The following KATNAL2 variants were observed in gnomAD, a reference collection of about 807,000 sequenced individuals.
KATNAL2 encodes the protein katanin p60 ATPase-containing subunit A-like 2.
Under a neutral mutation model 76.3 loss-of-function variants are expected in KATNAL2, and 52 were observed. That is an observed-to-expected ratio of 0.68 (90% CI 0.55 to 0.86). KATNAL2 has a LOEUF of 0.86. Among genes scored for constraint, KATNAL2 ranks in the 40% least tolerant of loss-of-function variants. The pLI is 0.00. For synonymous variants in KATNAL2, 243 were observed against 244.2 expected (o/e 1.00, Z 0.05); for missense variants, 660 against 668.9 (o/e 0.99, Z 0.15).
At chr18:46,920,294 GAC>G in intron 1 of KATNAL2, 1 of 348,248 alleles carries the variant, frequency 2.9e-6, no homozygotes, top group South Asian at 2.3e-5. Context: ...ATCAAGTGTG[GAC>G]CCGTGCCCTA....
At position 47,100,875 on chromosome 18, in the gene KATNAL2, ACT is replaced by A. The variant is rs1313849751; in HGVS notation, c.1488_1489del (p.Leu497ThrfsTer48). On this transcript the variant is annotated frameshift_variant, in exon 18 of 18. Coordinates refer to ENST00000683218, the MANE Select transcript of KATNAL2 (RefSeq NM_001387690.1). LOFTEE classifies it high-confidence loss of function. ...TGTGTTCTTATCCTAGAAAGCAGCGACTTACCCAGGATCCAGTTGGATATAGT... is the reference window on the plus strand; with the variant it reads ...TGTGTTCTTATCCTAGAAAGCAGCGATACCCAGGATCCAGTTGGATATAGT... 2 of 1,614,064 alleles carry A rather than the reference ACT, an allele frequency of 1.2e-6. No homozygotes were observed. Among genetic ancestry groups the A allele is most frequent in the African/African-American group, 2.7e-5 (2 of 74,932 alleles).
At chr18:47,043,204 G>A (rs1347686556) in intron 3 of KATNAL2, among the ~76,000 whole-genome samples, 6 of 96,684 alleles carry the variant, frequency 6.2e-5, no homozygotes, top group African/African-American at 1.6e-4. Flanking sequence ...TCCAGCCCCG[G>A]CGACAGAGCG....
At chr18:47,041,327 C>G (rs2060956211) in intron 3 of KATNAL2, among the ~76,000 whole-genome samples, 1 of 152,172 alleles carries the variant, frequency 6.6e-6, no homozygotes, top group South Asian at 2.1e-4. Flanking sequence ...AATGGTTTCG[C>G]TGCCCTAGAA....
intron 13 of KATNAL2, among the ~76,000 whole-genome samples, chr18:47,070,097 C>CTTT (rs34614350): frequency 0.015 from 1,962 of 134,898 alleles, 58 homozygotes; most frequent in African/African-American, 0.049. Flanking sequence ...TTTTTGCTTT[C>CTTT]TTTTTTTTTT....
At chr18:46,929,190 T>A (rs2058828909) in intron 1 of KATNAL2, among the ~76,000 whole-genome samples, 2 of 151,812 alleles carry the variant, frequency 1.3e-5, no homozygotes, top group Non-Finnish European at 2.9e-5. Flanking sequence ...CTTGGCTTTT[T>A]AAATTCAGCA....
chr18:46,957,903 G>A (rs928425778), intron 3 of KATNAL2, among the ~76,000 whole-genome samples: 44 of 150,918 alleles, frequency 2.9e-4, no homozygotes, highest in East Asian at 9.9e-4. Flanking sequence ...TCACCATATT[G>A]GCCAGGATGG....
intron 3 of KATNAL2, among the ~76,000 whole-genome samples, chr18:46,954,034 G>A (rs1045447005): frequency 2.0e-5 from 3 of 152,124 alleles, no homozygotes; most frequent in African/African-American, 7.2e-5. Flanking sequence ...GCAGGGAATG[G>A]AAGGTGGGGT....
At chr18:46,961,420 C>T (rs1052710394) in intron 3 of KATNAL2, among the ~76,000 whole-genome samples, 10 of 152,114 alleles carry the variant, frequency 6.6e-5, no homozygotes, top group South Asian at 2.1e-4. Context: ...AGAGTGACAG[C>T]GATTCATGTA....
At chr18:47,069,390 C>A in intron 12 of KATNAL2, 92 bp from the exon 13 acceptor site, 1 of 1,355,912 alleles carries the variant, frequency 7.4e-7, no homozygotes, top group Non-Finnish European at 1.0e-6. Context: ...GCTGAGCAGT[C>A]ACTTCCTTCC....
chr18:46,957,179 G>T (rs2059776797), intron 3 of KATNAL2, among the ~76,000 whole-genome samples: 1 of 151,056 alleles, frequency 6.6e-6, no homozygotes, highest in African/African-American at 2.4e-5. Context: ...ATCCTTGACT[G>T]TCTGTGAAGG....
At chr18:46,940,052 T>G (rs2059202985) in intron 1 of KATNAL2, among the ~76,000 whole-genome samples, 1 of 152,180 alleles carries the variant, frequency 6.6e-6, no homozygotes, top group African/African-American at 2.4e-5. Flanking sequence ...CCTACCACAT[T>G]ATGAGAGATT....
At chr18:46,932,358 T>C (rs1160973086) in intron 1 of KATNAL2, among the ~76,000 whole-genome samples, 1 of 152,016 alleles carries the variant, frequency 6.6e-6, no homozygotes, top group Non-Finnish European at 1.5e-5. Context: ...AGAAGAAATG[T>C]ACACAAACTA....
chr18:47,046,555 G>C (rs1206779767), intron 4 of KATNAL2, 28 bp downstream of exon 4: 4 of 1,411,748 alleles, frequency 2.8e-6, no homozygotes, highest in Non-Finnish European at 3.9e-6. Flanking sequence ...CATTTATAGA[G>C]ATGATTCCTC....
chr18:47,099,551 C>T (rs72905424), intron 16 of KATNAL2, 146 bp downstream of exon 16: 9,599 of 688,156 alleles, frequency 0.014, 89 homozygotes, highest in Non-Finnish European at 0.018. Flanking sequence ...GGCATCTTCA[C>T]GAAGAATAAG....
chr18:47,031,479 A>T (rs73954213), intron 3 of KATNAL2, among the ~76,000 whole-genome samples: 3,063 of 152,138 alleles, frequency 0.02, 83 homozygotes, highest in African/African-American at 0.069. Flanking sequence ...AAAGAAAATC[A>T]TTATGCCCTG....
chr18:46,938,154 A>G (rs1173372189), intron 1 of KATNAL2, among the ~76,000 whole-genome samples: 3 of 152,196 alleles, frequency 2.0e-5, no homozygotes, highest in African/African-American at 4.8e-5. Context: ...AGAGCTACAT[A>G]TAAAAACATG....
At chr18:46,961,457 A>G (rs562876539) in intron 3 of KATNAL2, among the ~76,000 whole-genome samples, 2 of 152,240 alleles carry the variant, frequency 1.3e-5, no homozygotes, top group Admixed American at 6.5e-5. Context: ...GTTTTCTGAT[A>G]AACAAAGGTA....
chr18:47,073,166 AC>A (rs2147221956), intron 13 of KATNAL2, among the ~76,000 whole-genome samples: 1 of 152,284 alleles, frequency 6.6e-6, no homozygotes, highest in East Asian at 1.9e-4. Flanking sequence ...TGGCCAACAC[AC>A]CAATATATTT....
chr18:46,939,237 G>T (rs1301382817), intron 1 of KATNAL2, among the ~76,000 whole-genome samples: 1 of 151,904 alleles, frequency 6.6e-6, no homozygotes, highest in East Asian at 1.9e-4. Flanking sequence ...GGGAGTCTGA[G>T]GCAGGAGAAT....
Sources: gnomAD v4.1 joint callset for allele counts (sites outside exome capture counted in the v4.1 genomes callset) on GRCh38, gnomAD v4.1.1 for gene constraint, MANE v1.5 for transcripts, NCBI Gene and HGNC (gene_info 2026-07-23, HGNC 2026-07-21) for gene names.